Variants in DLGAP2 observed in about 807,000 individuals in gnomAD.
DLGAP2 encodes the protein DLG associated protein 2, also known as disks large-associated protein 2.
DLGAP2 carries 26 observed loss-of-function variants against 100.3 expected under a neutral mutation model. The observed-to-expected ratio is 0.26, with a 90% CI of 0.19 to 0.36. DLGAP2 has a LOEUF of 0.36. Ranked by LOEUF, DLGAP2 falls within the 10% of genes least tolerant of loss-of-function variation. The pLI is 1.00. For missense variants in DLGAP2, 1,858 were observed against 1,453.2 expected (o/e 1.28, Z -4.53); for synonymous variants, 886 against 630.1 (o/e 1.41, Z -6.08).
chr8:1,215,021 C>A, intron 2 of DLGAP2, among the ~76,000 whole-genome samples: 1 of 152,130 alleles, frequency 6.6e-6, no homozygotes, highest in African/African-American at 2.4e-5. Flanking sequence ...ACTTCTGTGT[C>A]TAAGTCTCAT....
intron 2 of DLGAP2, among the ~76,000 whole-genome samples, chr8:1,059,378 C>G (rs1802983718): frequency 6.6e-6 from 1 of 152,126 alleles, no homozygotes; most frequent in Admixed American, 6.5e-5. Context: ...AGGAACACAG[C>G]TCTGGAGCCG....
intron 1 of DLGAP2, among the ~76,000 whole-genome samples, chr8:875,059 C>G (rs912581218): frequency 9.9e-5 from 15 of 152,126 alleles, no homozygotes; most frequent in African/African-American, 3.6e-4. Flanking sequence ...ATCAATGTAG[C>G]TATTCTAGCT....
chr8:922,368 C>T (rs1230677354), intron 2 of DLGAP2, among the ~76,000 whole-genome samples: 2 of 152,174 alleles, frequency 1.3e-5, no homozygotes, highest in Non-Finnish European at 2.9e-5. Flanking sequence ...TTATTCAAGT[C>T]ATGCCGAATT....
chr8:1,302,393 G>A (rs1800373862), intron 3 of DLGAP2: 1 of 111,868 alleles, frequency 8.9e-6, no homozygotes, highest in Non-Finnish European at 1.9e-5. Flanking sequence ...ACCTGGGACC[G>A]GACTCAGCAT....
At chr8:790,428 G>A (rs1386878225) in intron 1 of DLGAP2, among the ~76,000 whole-genome samples, 3 of 152,158 alleles carry the variant, frequency 2.0e-5, no homozygotes, top group Admixed American at 6.5e-5. Context: ...GTGAGAAAAT[G>A]TATTTCTCAT....
At chr8:1,179,327 A>C (rs1274036091) in intron 2 of DLGAP2, among the ~76,000 whole-genome samples, 1 of 152,236 alleles carries the variant, frequency 6.6e-6, no homozygotes, top group African/African-American at 2.4e-5. Context: ...GCCTGTGCCA[A>C]GGTGGCCAGG....
intron 3 of DLGAP2, among the ~76,000 whole-genome samples, chr8:1,350,662 G>A (rs1353638230): frequency 9.1e-5 from 10 of 109,450 alleles, no homozygotes; most frequent in African/African-American, 3.7e-4. Context: ...GCGTGGAAAG[G>A]CCGTGCGGGT....
At chr8:1,691,815 C>T (rs185860534) in intron 13 of DLGAP2, among the ~76,000 whole-genome samples, 189 bp downstream of exon 13, 1,515 of 151,494 alleles carry the variant, frequency 0.01, 20 homozygotes, top group African/African-American at 0.035. Flanking sequence ...AACGCGGTAC[C>T]GAGGCAGGGA....
At chr8:1,147,540 T>TC (rs1796629805) in intron 2 of DLGAP2, among the ~76,000 whole-genome samples, 1 of 49,370 alleles carries the variant, frequency 2.0e-5, no homozygotes, top group African/African-American at 4.3e-5. Context: ...ACCTTCTTCT[T>TC]TTTTTTTTTT....
chr8:972,351 T>G (rs1800034247), intron 2 of DLGAP2, among the ~76,000 whole-genome samples: 1 of 152,210 alleles, frequency 6.6e-6, no homozygotes, highest in Non-Finnish European at 1.5e-5. Context: ...AGACTGAAAT[T>G]ATCAACAGAT....
intron 2 of DLGAP2, among the ~76,000 whole-genome samples, chr8:1,174,529 CATT>C (rs1202038885): frequency 6.6e-6 from 1 of 151,758 alleles, no homozygotes; most frequent in African/African-American, 2.4e-5. Context: ...TCACCAAAAT[CATT>C]ATCATCATTA....
chr8:1,658,586 C>G (rs1798337650), intron 8 of DLGAP2, among the ~76,000 whole-genome samples: 1 of 152,050 alleles, frequency 6.6e-6, no homozygotes, highest in Non-Finnish European at 1.5e-5. Context: ...TGTATGTGTC[C>G]AGGAATTTAT....
intron 3 of DLGAP2, among the ~76,000 whole-genome samples, chr8:1,384,722 A>G (rs78872296): frequency 0.02 from 298 of 14,836 alleles, 4 homozygotes; most frequent in East Asian, 0.14. Flanking sequence ...GCCTATGCCC[A>G]TCCCCTGAGA....
chr8:1,359,622 T>C (rs1326358697), intron 3 of DLGAP2, among the ~76,000 whole-genome samples: 3 of 152,208 alleles, frequency 2.0e-5, no homozygotes, highest in Non-Finnish European at 4.4e-5. Context: ...GCTGATGCTG[T>C]CGGCGGCTGT....
At chr8:1,540,021 A>G (rs1040754489) in intron 4 of DLGAP2, among the ~76,000 whole-genome samples, 14 of 152,256 alleles carry the variant, frequency 9.2e-5, no homozygotes, top group African/African-American at 3.4e-4. Context: ...CCCACCCTTC[A>G]GGACCCAGAC....
intron 1 of DLGAP2, among the ~76,000 whole-genome samples, chr8:797,507 G>C (rs779383229): frequency 6.6e-6 from 1 of 152,222 alleles, no homozygotes; most frequent in Non-Finnish European, 1.5e-5. Context: ...AGGCTGCTAT[G>C]ACTATTTCTG....
At chr8:1,527,564 G>A (rs114341764) in intron 4 of DLGAP2, among the ~76,000 whole-genome samples, 1,540 of 152,368 alleles carry the variant, frequency 0.01, 32 homozygotes, top group African/African-American at 0.035. Flanking sequence ...GTAAATTCCA[G>A]TGCATTTCTG....
intron 3 of DLGAP2, among the ~76,000 whole-genome samples, chr8:1,379,310 G>T (rs1012870557): frequency 1.3e-5 from 2 of 152,238 alleles, no homozygotes; most frequent in East Asian, 3.9e-4. Flanking sequence ...TCAGTGCGAG[G>T]CATGGGCCTA....
At chr8:1,564,781 A>C (rs1028297646) in intron 5 of DLGAP2, among the ~76,000 whole-genome samples, 1 of 152,246 alleles carries the variant, frequency 6.6e-6, no homozygotes, top group African/African-American at 2.4e-5. Flanking sequence ...TGTACCAGGC[A>C]GACATATAAC....
Sources: gnomAD v4.1 joint callset for allele counts (sites outside exome capture counted in the v4.1 genomes callset) on GRCh38, gnomAD v4.1.1 for gene constraint, MANE v1.5 for transcripts, NCBI Gene and HGNC (gene_info 2026-07-23, HGNC 2026-07-21) for gene names.